The following EDARADD variants were observed in gnomAD, a reference collection of about 807,000 sequenced individuals.
EDARADD encodes the protein ectodysplasin-A receptor-associated adapter protein.
Under a neutral mutation model 25.6 loss-of-function variants are expected in EDARADD, and 20 were observed. That is an observed-to-expected ratio of 0.78 (90% CI 0.55 to 1.14). EDARADD has a LOEUF of 1.14. Among genes scored for constraint, EDARADD ranks in the 50% most tolerant of loss-of-function variants. EDARADD has a pLI of 0.00. For synonymous variants in EDARADD, 86 were observed against 94.4 expected (o/e 0.91, Z 0.52); for missense variants, 225 against 270.1 (o/e 0.83, Z 1.17).
At chr1:236,424,172 T>TTC (rs1475693235) in intron 3 of EDARADD, among the ~76,000 whole-genome samples, 4 of 146,058 alleles carry the variant, frequency 2.7e-5, no homozygotes, top group African/African-American at 1.0e-4. Context: ...TTTTTTTTTT[T>TTC]TTTTTTGGAA....
At chr1:236,402,590 A>G (rs992451588) in intron 1 of EDARADD, among the ~76,000 whole-genome samples, 2 of 151,998 alleles carry the variant, frequency 1.3e-5, no homozygotes, top group Admixed American at 6.6e-5. Context: ...TATTTTAAAT[A>G]AGTAGAAATG....
At chr1:236,429,390 T>C (rs1326030955) in intron 4 of EDARADD, among the ~76,000 whole-genome samples, 1 of 151,202 alleles carries the variant, frequency 6.6e-6, no homozygotes, top group Non-Finnish European at 1.5e-5. Context: ...TATTTATTTA[T>C]TTTTTTAGAC....
chr1:236,459,920 A>G (rs1658994015), intron 4 of EDARADD, among the ~76,000 whole-genome samples: 1 of 151,918 alleles, frequency 6.6e-6, no homozygotes, highest in Non-Finnish European at 1.5e-5. Context: ...TTTTATCCTT[A>G]ATGAAATGCT....
intron 5 of EDARADD, among the ~76,000 whole-genome samples, chr1:236,472,885 A>G (rs1300495243): frequency 6.6e-6 from 1 of 152,256 alleles, no homozygotes; most frequent in Non-Finnish European, 1.5e-5. Context: ...GTTAATCTCC[A>G]TGGTACACGG....
At chr1:236,453,250 G>A (rs1265611368) in intron 4 of EDARADD, among the ~76,000 whole-genome samples, 2 of 151,564 alleles carry the variant, frequency 1.3e-5, no homozygotes, top group Non-Finnish European at 2.9e-5. Flanking sequence ...CCATGTGTAC[G>A]CCAGTGGTCC....
At chr1:236,464,581 C>T (rs1259107585) in intron 4 of EDARADD, among the ~76,000 whole-genome samples, 1 of 151,828 alleles carries the variant, frequency 6.6e-6, no homozygotes, top group Non-Finnish European at 1.5e-5. Context: ...CACAGGCGCT[C>T]ACCACCACAT....
chr1:236,415,369 C>G (rs1374602180), intron 3 of EDARADD, among the ~76,000 whole-genome samples: 2 of 152,180 alleles, frequency 1.3e-5, no homozygotes, highest in Admixed American at 1.3e-4. Context: ...AGGCATGGTG[C>G]AGACCATAGG....
intron 2 of EDARADD, 67 bp from the exon 3 acceptor site, chr1:236,414,193 G>A: frequency 7.2e-7 from 1 of 1,391,070 alleles, no homozygotes; most frequent in Non-Finnish European, 1.0e-6. Context: ...CCAAGACAAA[G>A]CTTTCTTTTC....
chr1:236,474,322 G>A (rs550196063), intron 5 of EDARADD, among the ~76,000 whole-genome samples: 20 of 152,102 alleles, frequency 1.3e-4, no homozygotes, highest in Admixed American at 7.2e-4. Flanking sequence ...GGCTTTCTTC[G>A]TTTGAGCCAC....
intron 3 of EDARADD, among the ~76,000 whole-genome samples, chr1:236,421,499 T>TG (rs912578512): frequency 1.8e-5 from 2 of 109,380 alleles, no homozygotes; most frequent in African/African-American, 7.2e-5. Context: ...CTTTTTTTTT[T>TG]TTTTTTTTTT....
chr1:236,383,386 C>CAA (rs35085475), intron 3 of EDARADD, among the ~76,000 whole-genome samples: 1 of 139,500 alleles, frequency 7.2e-6, no homozygotes, highest in African/African-American at 2.8e-5. Flanking sequence ...GACTCCGTCT[C>CAA]AAAAAAAAAA....
chr1:236,457,231 G>A (rs1658893496), intron 4 of EDARADD, among the ~76,000 whole-genome samples: 1 of 152,146 alleles, frequency 6.6e-6, no homozygotes, highest in East Asian at 1.9e-4. Flanking sequence ...ACATATTCAA[G>A]TTTACCGGGC....
chr1:236,419,202 C>T (rs1657717052), intron 3 of EDARADD, among the ~76,000 whole-genome samples: 1 of 151,942 alleles, frequency 6.6e-6, no homozygotes, highest in Non-Finnish European at 1.5e-5. Flanking sequence ...GCCTGAGCAA[C>T]ATAGTGAGAC....
intron 1 of EDARADD, 148 bp from the exon 2 acceptor site, chr1:236,409,068 T>TG (rs1291854848): frequency 3.1e-6 from 1 of 321,498 alleles, no homozygotes; most frequent in African/African-American, 2.5e-5. Flanking sequence ...TCCTATTTCT[T>TG]AAAAAAAAAA....
intron 4 of EDARADD, among the ~76,000 whole-genome samples, chr1:236,449,210 T>A (rs993713209): frequency 6.6e-6 from 1 of 152,198 alleles, no homozygotes; most frequent in African/African-American, 2.4e-5. Flanking sequence ...CTGGCCATAT[T>A]GGATTTTAGA....
intron 3 of EDARADD, among the ~76,000 whole-genome samples, chr1:236,352,266 C>G (rs896122923): frequency 6.6e-6 from 1 of 152,214 alleles, no homozygotes; most frequent in East Asian, 1.9e-4. Context: ...GTTATTATCT[C>G]TGTCTCTCCT....
At chr1:236,354,801 T>G (rs1666955562) in intron 3 of EDARADD, among the ~76,000 whole-genome samples, 1 of 152,178 alleles carries the variant, frequency 6.6e-6, no homozygotes, top group Admixed American at 6.6e-5. Context: ...AGGTCACCTT[T>G]AACGTAAAGA....
At chr1:236,360,665 C>A (rs1339563823) in intron 3 of EDARADD, among the ~76,000 whole-genome samples, 1 of 151,484 alleles carries the variant, frequency 6.6e-6, no homozygotes, top group Non-Finnish European at 1.5e-5. Flanking sequence ...TCCACCTCAG[C>A]CTCTCAAGCA....
chr1:236,400,805 C>T (rs1281883978), intron 1 of EDARADD, among the ~76,000 whole-genome samples: 2 of 150,078 alleles, frequency 1.3e-5, no homozygotes, highest in South Asian at 4.2e-4. Flanking sequence ...AGCAATCTGC[C>T]CTCCTTGGCC....
Sources: gnomAD v4.1 joint callset for allele counts (sites outside exome capture counted in the v4.1 genomes callset) on GRCh38, gnomAD v4.1.1 for gene constraint, MANE v1.5 for transcripts, NCBI Gene and HGNC (gene_info 2026-07-23, HGNC 2026-07-21) for gene names.